The following CRMP1 variants were observed in gnomAD, a reference collection of about 807,000 sequenced individuals.
CRMP1 encodes dihydropyrimidinase-related protein 1.
CRMP1 carries 19 observed loss-of-function variants against 68.3 expected under a neutral mutation model. The observed-to-expected ratio is 0.28, with a 90% CI of 0.19 to 0.41. The LOEUF (loss-of-function observed/expected upper bound fraction) is 0.41. CRMP1 is among the 10% of genes least tolerant of loss of function. The probability of loss-of-function intolerance (pLI) is 1.00; values close to 1 mark genes in which losing one functional copy is unlikely to be tolerated. For synonymous variants in CRMP1, 439 were observed against 399.6 expected (o/e 1.10, Z -1.18); for missense variants, 791 against 967.4 (o/e 0.82, Z 2.42).
At chr4:5,847,824 T>G (rs1712332786) in intron 6 of CRMP1, among the ~76,000 whole-genome samples, 1 of 152,214 alleles carries the variant, frequency 6.6e-6, no homozygotes. Context: ...TGGGAATAAT[T>G]ATATCTACCT....
intron 3 of CRMP1, 91 bp from the exon 4 acceptor site, chr4:5,856,398 T>A: frequency 8.3e-7 from 1 of 1,200,804 alleles, no homozygotes; most frequent in Non-Finnish European, 1.2e-6. Context: ...ATCACCATCA[T>A]TACCATCACC....
intron 11 of CRMP1, among the ~76,000 whole-genome samples, chr4:5,833,605 T>A (rs533868774): frequency 1.1e-4 from 17 of 152,220 alleles, no homozygotes; most frequent in African/African-American, 4.1e-4. Flanking sequence ...TATACCTAAC[T>A]TAGAAGATCG....
rs184691795 is a variant in CRMP1 at position 5,840,368 on chromosome 4, G to A, written c.1154-690C>T. Reference sequence around the variant, plus strand: ...CAGAAAAGCCTGCAGGCAGAGGCTCGGGCTCCCCAGGAAAGATCTTTGCAT... The same window carrying A: ...CAGAAAAGCCTGCAGGCAGAGGCTCAGGCTCCCCAGGAAAGATCTTTGCAT... On this transcript the variant is annotated intron_variant, in intron 8 of 13. Transcript: ENST00000324989. 2.4e-3 allele frequency among the ~76,000 whole-genome samples: 373 copies of A among 152,268 alleles called. 3 individuals are homozygous for A. Among genetic ancestry groups the A allele is most frequent in the African/African-American group, 8.4e-3 (349 of 41,554 alleles).
In CRMP1 at chr4:5,888,206, G is replaced by T; in HGVS notation, c.381+4383C>A. On this transcript the variant is annotated intron_variant, in intron 1 of 13. Transcript: ENST00000324989. The surrounding 1 kb of genome is among the most constrained non-coding windows in gnomAD (Gnocchi z 6.4). Reference sequence around the variant, plus strand: ...CAGCCCACAAAGGCCAGCGCGGGGCGGCGGGGGCGGGGGCCGCTTACCGTG... The same window carrying T: ...CAGCCCACAAAGGCCAGCGCGGGGCTGCGGGGGCGGGGGCCGCTTACCGTG... 1 of 1,259,156 alleles carries T rather than the reference G, an allele frequency of 7.9e-7. No homozygotes were observed. 78.0% of individuals were successfully genotyped at this position (1,259,156 alleles called of 1,614,324 possible). A position where few individuals can be genotyped will look rare whatever the true frequency, so the allele number is the denominator to read the frequency against.
rs115216560 is a variant in CRMP1, at chr4:5,870,743, T to A, written c.382-3987A>T. On this transcript the variant is annotated intron_variant, in intron 1 of 13. Transcript: ENST00000324989. This position sits in a 1 kb window ranked among gnomAD's most constrained non-coding sequence, Gnocchi z 6.0. ...TTGCTCCTAGGCCCCACAACCTATC[T>A]GTACCGCTAAAAAAGATGTGTGCAT... is the stretch of plus-strand genomic sequence containing the variant. Among the ~76,000 whole-genome samples, 4 of 152,146 alleles carry A rather than the reference T, an allele frequency of 2.6e-5. No homozygotes were observed. Among genetic ancestry groups the A allele is most frequent in the African/African-American group, 9.7e-5 (4 of 41,442 alleles).
Position 5,843,019 on chromosome 4 carries a change from T to G in CRMP1, c.1032+74A>C, listed in dbSNP as rs1711901920. On this transcript the variant is annotated intron_variant, in intron 7 of 13. Coordinates refer to ENST00000324989, the MANE Select transcript of CRMP1 (RefSeq NM_001014809.3). This position sits in a 1 kb window ranked among gnomAD's most constrained non-coding sequence, Gnocchi z 4.1. ...AGAGGCCGGGTCCTGGCTGGGCTAC[T>G]CCAGCTGGAACAGCATCAAGGTGAG... 6.9e-7 allele frequency: 1 copy of G among 1,458,826 alleles called. No homozygotes were observed. Among genetic ancestry groups the G allele is most frequent in the Non-Finnish European group, 9.6e-7 (1 of 1,042,510 alleles). The allele number at this position is 1,458,826 out of a possible 1,614,324, so 90.4% of individuals were successfully genotyped here.
Position 5,892,015 on chromosome 4 carries a change from A to T in CRMP1, c.381+574T>A, listed in dbSNP as rs1715971767. Among the ~76,000 whole-genome samples the T allele has an allele frequency of 6.6e-6, 1 of 152,150 alleles. No homozygotes were observed. The highest frequency in any genetic ancestry group is 6.5e-5 in the Admixed American group (1 of 15,280). On this transcript the variant is annotated intron_variant, in intron 1 of 13. Coordinates refer to ENST00000324989, the MANE Select transcript of CRMP1 (RefSeq NM_001014809.3). The surrounding 1 kb of genome is among the most constrained non-coding windows in gnomAD (Gnocchi z 8.6). ...GGTTTACGGCTCCAACTGCCCGACG[A>T]ACTAAATCCTTAACCAAATCCTTCC...
rs1174933732 is a variant in CRMP1 at position 5,850,533 on chromosome 4, C to T, written c.882+875G>A. Among the ~76,000 whole-genome samples the T allele has an allele frequency of 6.6e-6, 1 of 152,192 alleles. No homozygotes were observed. The highest frequency in any genetic ancestry group is 1.5e-5 in the Non-Finnish European group (1 of 68,036). On this transcript the variant is annotated intron_variant, in intron 5 of 13. Coordinates refer to ENST00000324989, the MANE Select transcript of CRMP1 (RefSeq NM_001014809.3). This position sits in a 1 kb window ranked among gnomAD's most constrained non-coding sequence, Gnocchi z 4.4. Reference sequence around the variant, plus strand: ...GCTTCTCCCGTTGCCCATCTATCTTCATGGTAATAACCAATTACCCTGCTA... The same window carrying T: ...GCTTCTCCCGTTGCCCATCTATCTTTATGGTAATAACCAATTACCCTGCTA...
intron 10 of CRMP1, among the ~76,000 whole-genome samples, 169 bp from the exon 11 acceptor site, chr4:5,836,254 T>A (rs997620567): frequency 6.6e-6 from 1 of 152,210 alleles, no homozygotes; most frequent in Non-Finnish European, 1.5e-5. Context: ...CCCAGCCTCA[T>A]CAGAGAGGAC....
chr4:5,861,156 G>T lies in CRMP1; in HGVS notation c.525C>A (p.Asn175Lys), dbSNP rs752770907. ...TACCTCCGGGAATAACCATCCGCCC[G>T]TTGGCTTCAATGGTCTTCACTCCAC... Reference protein sequence around the residue: ...VPGGVKTIEANGRMVIPGGID... With the variant: ...VPGGVKTIEAKGRMVIPGGID... The change falls in exon 3 of 14, where the codon AAC (asparagine) becomes AAA (lysine). Residue 175 changes from asparagine to lysine, a missense_variant. Asn to Lys is a moderately conservative substitution (Grantham distance 94). Transcript: ENST00000324989. The surrounding 1 kb of genome is among the most constrained non-coding windows in gnomAD (Gnocchi z 6.0). The T allele has an allele frequency of 1.2e-6, 2 of 1,614,186 alleles. No individual in the cohort carries two copies. The highest frequency in any genetic ancestry group is 8.5e-7 in the Non-Finnish European group (1 of 1,180,028).
chr4:5,885,125 T>C (rs976319499), intron 1 of CRMP1, among the ~76,000 whole-genome samples: 1 of 151,882 alleles, frequency 6.6e-6, no homozygotes, highest in African/African-American at 2.4e-5. Flanking sequence ...AAGGCCAAGA[T>C]GGAAAAAAGA....
chr4:5,868,491 C>CG (rs367988028), intron 1 of CRMP1, among the ~76,000 whole-genome samples: 34 of 151,460 alleles, frequency 2.2e-4, no homozygotes, highest in Non-Finnish European at 4.4e-4. Context: ...TTAGTAGAGA[C>CG]GGGGTTTCAC....
rs992592699 is a variant in CRMP1, at chr4:5,828,259, A to G, written c.1803+230T>C. 41 of 984,878 alleles carry G rather than the reference A, an allele frequency of 4.2e-5. No homozygotes were observed. The Admixed American group carries it at 2.4e-3, about 58-fold the overall frequency. The allele number at this position is 984,878 out of a possible 1,614,324, so 61.0% of individuals were successfully genotyped here. On this transcript the variant is annotated intron_variant, in intron 12 of 13. Transcript: ENST00000324989. ...GATCCACCCACCCTCACGGGTGCAC[A>G]CCCCTCTACAGTTTGCAAAGCCCTG...
rs1713372112 is a variant in CRMP1 at position 5,859,411 on chromosome 4, C to A, written c.655+1615G>T. Among the ~76,000 whole-genome samples, 1 of 152,214 alleles carries A rather than the reference C, an allele frequency of 6.6e-6. No homozygotes were observed. Among genetic ancestry groups the A allele is most frequent in the Non-Finnish European group, 1.5e-5 (1 of 68,050 alleles). Reference sequence around the variant, plus strand: ...CATCCCAGGAACCCTGGCTCCTCATCCAGTACTCCTTCCCCTGCCCTGTGC... The same window carrying A: ...CATCCCAGGAACCCTGGCTCCTCATACAGTACTCCTTCCCCTGCCCTGTGC... On this transcript the variant is annotated intron_variant, in intron 3 of 13. Transcript: ENST00000324989. The surrounding 1 kb of genome is among the most constrained non-coding windows in gnomAD (Gnocchi z 5.2).
At chr4:5,885,669 G>C (rs1715533150) in intron 1 of CRMP1, among the ~76,000 whole-genome samples, 1 of 152,120 alleles carries the variant, frequency 6.6e-6, no homozygotes. Flanking sequence ...ACAAGGCTGA[G>C]TGTCCCTGCT....
Position 5,877,878 on chromosome 4 carries a change from C to T in CRMP1, c.382-11122G>A, listed in dbSNP as rs1003165396. 5.3e-5 allele frequency among the ~76,000 whole-genome samples: 8 copies of T among 152,212 alleles called. No homozygotes were observed. Among genetic ancestry groups the T allele is most frequent in the Non-Finnish European group, 1.0e-4 (7 of 68,038 alleles). The stretch of plus-strand genomic sequence containing the variant: ...TTAAAACAGCACACCTCTGTCACAA[C>T]CCTAAGAGTGGGCAGGGCCTGCACG... On this transcript the variant is annotated intron_variant, in intron 1 of 13. Transcript: ENST00000324989. This position sits in a 1 kb window ranked among gnomAD's most constrained non-coding sequence, Gnocchi z 4.3.
chr4:5,871,243 A>G (rs1050378630), intron 1 of CRMP1, among the ~76,000 whole-genome samples: 1 of 152,232 alleles, frequency 6.6e-6, no homozygotes, highest in Non-Finnish European at 1.5e-5. Flanking sequence ...CTTTCTTAAA[A>G]TTAGTAGTTC....
chr4:5,827,456 A>C (rs1236909781), intron 12 of CRMP1, among the ~76,000 whole-genome samples: 1 of 152,208 alleles, frequency 6.6e-6, no homozygotes, highest in Non-Finnish European at 1.5e-5. Flanking sequence ...GACCAAAACC[A>C]GATGCAGAGC....
chr4:5,885,574 C>T (rs759751119), intron 1 of CRMP1, among the ~76,000 whole-genome samples: 20 of 152,316 alleles, frequency 1.3e-4, no homozygotes, highest in Admixed American at 7.8e-4. Flanking sequence ...TCAGTTTCTC[C>T]AGCATGCCAA....
Sources: allele counts gnomAD v4.1 joint callset (sites outside exome capture counted in the v4.1 genomes callset), GRCh38; gene constraint gnomAD v4.1.1; non-coding constraint Gnocchi (gnomAD v3.1); transcripts MANE v1.5; gene names NCBI Gene and HGNC (gene_info 2026-07-23, HGNC 2026-07-21).